Variants in PABPC4L observed in about 807,000 individuals in gnomAD.
The protein encoded by PABPC4L is poly(A) binding protein cytoplasmic 4 like, also known as polyadenylate-binding protein 4-like.
For synonymous variants in PABPC4L, 169 were observed against 164.1 expected, an observed-to-expected ratio of 1.03 and a Z score of -0.23; for missense variants, 452 against 451.4, an observed-to-expected ratio of 1.00 and a Z score of -0.01.
At chr4:134,170,447 A>C in the PABPC4L span, among the ~76,000 whole-genome samples, 4 of 152,144 alleles carry the variant, frequency 2.6e-5, no homozygotes, top group African/African-American at 9.7e-5. Flanking sequence ...TGCATAATTT[A>C]TAAAGAAAAT....
the PABPC4L span, among the ~76,000 whole-genome samples, chr4:134,147,268 A>G: frequency 6.6e-6 from 1 of 152,164 alleles, no homozygotes; most frequent in South Asian, 2.1e-4. Context: ...GTCAATTTTA[A>G]TTTTTTAAAT....
the PABPC4L span, among the ~76,000 whole-genome samples, chr4:133,962,246 C>T: frequency 1.5e-4 from 23 of 152,186 alleles, no homozygotes; most frequent in Non-Finnish European, 5.9e-5. Flanking sequence ...CAAAAAATCA[C>T]ACTAGCTCAC....
chr4:133,954,683 G>A, the PABPC4L span, among the ~76,000 whole-genome samples: 3 of 151,822 alleles, frequency 2.0e-5, no homozygotes, highest in Admixed American at 1.3e-4. Context: ...GCTTTTCCCC[G>A]TGTACATTTA....
At chr4:133,991,417 G>A in the PABPC4L span, among the ~76,000 whole-genome samples, 2 of 152,154 alleles carry the variant, frequency 1.3e-5, no homozygotes, top group East Asian at 3.9e-4. Flanking sequence ...TATGCTTCCA[G>A]TCACAGTTTA....
At chr4:134,092,410 C>A in the PABPC4L span, among the ~76,000 whole-genome samples, 25 of 152,158 alleles carry the variant, frequency 1.6e-4, no homozygotes, top group African/African-American at 6.0e-4. Context: ...CCCTATCCCA[C>A]TGAGAGCCAC....
At chr4:134,052,754 C>G in the PABPC4L span, among the ~76,000 whole-genome samples, 1 of 151,854 alleles carries the variant, frequency 6.6e-6, no homozygotes, top group African/African-American at 2.4e-5. Context: ...GGAAAGGATA[C>G]AGTCATCATG....
chr4:134,113,720 A>G, the PABPC4L span, among the ~76,000 whole-genome samples: 5 of 151,868 alleles, frequency 3.3e-5, no homozygotes, highest in Admixed American at 2.6e-4. Context: ...GTTAAAAAAG[A>G]CTACTGAGCT....
At chr4:134,044,445 T>A in the PABPC4L span, among the ~76,000 whole-genome samples, 81 of 151,822 alleles carry the variant, frequency 5.3e-4, no homozygotes, top group African/African-American at 1.7e-3. Flanking sequence ...TTGTATTTTT[T>A]AATAGAGACG....
the PABPC4L span, among the ~76,000 whole-genome samples, chr4:134,027,858 AT>A: frequency 1.3e-5 from 2 of 152,154 alleles, no homozygotes; most frequent in East Asian, 3.9e-4. Context: ...CTCTAGGTCC[AT>A]TTGCCAAATG....
At chr4:134,118,230 A>C in the PABPC4L span, among the ~76,000 whole-genome samples, 1 of 151,820 alleles carries the variant, frequency 6.6e-6, no homozygotes, top group African/African-American at 2.4e-5. Context: ...GCCAGACCTT[A>C]CAGAGTTCCT....
chr4:134,008,718 C>A, the PABPC4L span, among the ~76,000 whole-genome samples: 5 of 151,710 alleles, frequency 3.3e-5, no homozygotes, highest in Non-Finnish European at 7.4e-5. Flanking sequence ...GCAAGAATTT[C>A]TAAAATGTGT....
chr4:134,005,872 G>C, the PABPC4L span, among the ~76,000 whole-genome samples: 1 of 151,624 alleles, frequency 6.6e-6, no homozygotes, highest in African/African-American at 2.4e-5. Context: ...GCAAACGACA[G>C]GGAACAGAGA....
the PABPC4L span, among the ~76,000 whole-genome samples, chr4:134,058,213 T>C: frequency 2.6e-5 from 4 of 151,974 alleles, no homozygotes; most frequent in Non-Finnish European, 4.4e-5. Flanking sequence ...AAAAGAAATA[T>C]AGAATTTTGA....
the PABPC4L span, among the ~76,000 whole-genome samples, chr4:134,003,347 C>A: frequency 2.6e-5 from 4 of 151,830 alleles, no homozygotes; most frequent in Non-Finnish European, 5.9e-5. Flanking sequence ...ATATTTATTC[C>A]TCTTAGAACT....
the PABPC4L span, among the ~76,000 whole-genome samples, chr4:134,133,251 A>G: frequency 7.3e-6 from 1 of 137,726 alleles, no homozygotes; most frequent in Admixed American, 7.6e-5. Flanking sequence ...ACATAATATT[A>G]TATAAATAAT....
At chr4:134,139,549 A>G in the PABPC4L span, among the ~76,000 whole-genome samples, 1 of 151,950 alleles carries the variant, frequency 6.6e-6, no homozygotes, top group African/African-American at 2.4e-5. Flanking sequence ...ACTCTGTAAT[A>G]ATGCTTCCAA....
chr4:134,032,274 A>G, the PABPC4L span, among the ~76,000 whole-genome samples: 10 of 151,926 alleles, frequency 6.6e-5, no homozygotes, highest in Admixed American at 6.6e-4. Context: ...TAAAAAACAT[A>G]AATAGGTTTA....
At chr4:134,188,091 A>T in the PABPC4L span, among the ~76,000 whole-genome samples, 8 of 150,474 alleles carry the variant, frequency 5.3e-5, no homozygotes, top group Non-Finnish European at 1.0e-4. Context: ...TACTTCTTTA[A>T]TTTTTCATGT....
At chr4:133,956,320 T>A in the PABPC4L span, among the ~76,000 whole-genome samples, 1 of 152,140 alleles carries the variant, frequency 6.6e-6, no homozygotes, top group Non-Finnish European at 1.5e-5. Flanking sequence ...AAGAAACAAG[T>A]GTTAAAGTAA....
Sources: allele counts gnomAD v4.1 joint callset (sites outside exome capture counted in the v4.1 genomes callset), GRCh38; gene constraint gnomAD v4.1.1; transcripts MANE v1.5; gene names NCBI Gene and HGNC (gene_info 2026-07-23, HGNC 2026-07-21).